GPC6: variants seen among roughly 807,000 people sequenced by gnomAD.
The protein encoded by GPC6 is glypican-6.
In GPC6, 14 loss-of-function variants were observed where a neutral mutation model predicts 55.2. The ratio of observed to expected loss-of-function variants is 0.25; its 90% CI spans 0.17 to 0.40. GPC6 has a LOEUF of 0.40. Among genes scored for constraint, GPC6 ranks in the 10% least tolerant of loss-of-function variants. GPC6 has a pLI of 1.00. For synonymous variants in GPC6, 278 were observed against 259.6 expected (o/e 1.07, Z -0.68); for missense variants, 641 against 708.5 (o/e 0.90, Z 1.08).
intron 1 of GPC6, among the ~76,000 whole-genome samples, chr13:93,485,818 A>G (rs941342568): frequency 6.6e-6 from 1 of 152,168 alleles, no homozygotes; most frequent in Non-Finnish European, 1.5e-5. Flanking sequence ...GCAGTTCTTC[A>G]TATATATTTG....
Position 93,364,153 on chromosome 13 carries a change from G to T in GPC6, c.160+136537G>T, listed in dbSNP as rs1421182356. ...TCTTTAGTTTATTTAGATCCCATTT[G>T]TCAATTTTGGCTTTTGTTGCCATTG... On this transcript the variant is annotated intron_variant, in intron 1 of 8. Transcript: ENST00000377047. Among the ~76,000 whole-genome samples the T allele has an allele frequency of 2.0e-5, 3 of 152,016 alleles. No homozygotes were observed. The East Asian group carries it at 5.8e-4, about 29-fold the overall frequency.
rs530789009 is a variant in GPC6, at chr13:93,842,759, G to A, written c.711+12214G>A. ...ACCAGGATATTTATTTTTTGTTGGT[G>A]GTAAGAAAAATAAGTCACCAGGATA... On this transcript the variant is annotated intron_variant, in intron 3 of 8. Coordinates refer to ENST00000377047, the MANE Select transcript of GPC6 (RefSeq NM_005708.5). Among the ~76,000 whole-genome samples the A allele has an allele frequency of 2.6e-4, 40 of 151,832 alleles. 1 individual carries two copies. The highest frequency in any genetic ancestry group is 8.9e-4 in the African/African-American group (37 of 41,422).
chr13:93,348,629 AG>A (rs1244230883), intron 1 of GPC6, among the ~76,000 whole-genome samples: 1 of 152,208 alleles, frequency 6.6e-6, no homozygotes, highest in African/African-American at 2.4e-5. Context: ...AGAAACAAAA[AG>A]CAAACCTGCT....
At chr13:93,545,211 G>A (rs369857925) in intron 1 of GPC6, 52 bp from the exon 2 acceptor site, 158 of 1,484,498 alleles carry the variant, frequency 1.1e-4, no homozygotes, top group Non-Finnish European at 1.3e-4. Flanking sequence ...AATCTCTAAC[G>A]TCTACCAAAA....
At chr13:93,976,339 G>C (rs578216827) in intron 3 of GPC6, among the ~76,000 whole-genome samples, 1 of 151,870 alleles carries the variant, frequency 6.6e-6, no homozygotes, top group African/African-American at 2.4e-5. Flanking sequence ...GTTTGTTGTT[G>C]TTTATTTATC....
Position 94,035,514 on chromosome 13 carries a change from T to C in GPC6, c.877+7620T>C, listed in dbSNP as rs190770261. Among the ~76,000 whole-genome samples, 6 of 152,094 alleles carry C rather than the reference T, an allele frequency of 3.9e-5. No homozygotes were observed. The East Asian group carries it at 1.2e-3, about 29-fold the overall frequency. ...ATCAAACCACATAGCTATTCACAAA[T>C]AGCAAAGTTGTAACAAGTCCCACGG... On this transcript the variant is annotated intron_variant, in intron 4 of 8. Coordinates refer to ENST00000377047, the MANE Select transcript of GPC6 (RefSeq NM_005708.5).
intron 6 of GPC6, among the ~76,000 whole-genome samples, chr13:94,316,885 T>G (rs1046337372): frequency 2.6e-5 from 4 of 152,204 alleles, no homozygotes; most frequent in African/African-American, 9.7e-5. Context: ...ATTTTTCTGC[T>G]TTTCTTTCTG....
intron 5 of GPC6, 42 bp downstream of exon 5, chr13:94,286,521 T>C (rs760927229): frequency 1.9e-6 from 3 of 1,575,212 alleles, no homozygotes; most frequent in Non-Finnish European, 2.6e-6. Flanking sequence ...ATGTATGTTA[T>C]ACAGGTGCAA....
intron 2 of GPC6, among the ~76,000 whole-genome samples, chr13:93,749,095 T>C (rs1442797038): frequency 6.6e-6 from 1 of 152,034 alleles, no homozygotes; most frequent in East Asian, 1.9e-4. Context: ...ACTATACTAT[T>C]TTTGTTCAGA....
At chr13:93,911,858 G>C (rs1877001423) in intron 3 of GPC6, among the ~76,000 whole-genome samples, 1 of 152,224 alleles carries the variant, frequency 6.6e-6, no homozygotes, top group Admixed American at 6.5e-5. Flanking sequence ...AGTGGTTACT[G>C]ATATTAACTA....
At chr13:93,352,463 T>C (rs1880664424) in intron 1 of GPC6, among the ~76,000 whole-genome samples, 1 of 152,228 alleles carries the variant, frequency 6.6e-6, no homozygotes. Flanking sequence ...TTTAGCTTGG[T>C]AAATTCTGGC....
intron 1 of GPC6, among the ~76,000 whole-genome samples, chr13:93,304,808 A>G (rs1188547915): frequency 6.6e-6 from 1 of 152,032 alleles, no homozygotes; most frequent in Admixed American, 6.5e-5. Context: ...GGGTTGGGGG[A>G]TGAGGAGCTT....
At chr13:93,251,640 T>G (rs1876790152) in intron 1 of GPC6, among the ~76,000 whole-genome samples, 1 of 152,232 alleles carries the variant, frequency 6.6e-6, no homozygotes, top group Admixed American at 6.5e-5. Context: ...TCTGGTTTCC[T>G]ATCTATACAG....
chr13:94,369,721 T>C (rs1879449820), intron 6 of GPC6, among the ~76,000 whole-genome samples: 1 of 151,768 alleles, frequency 6.6e-6, no homozygotes, highest in South Asian at 2.1e-4. Context: ...ATTAGAAGAT[T>C]GGGGGGATCA....
intron 2 of GPC6, among the ~76,000 whole-genome samples, chr13:93,657,293 A>C (rs1045307423): frequency 3.3e-5 from 5 of 151,972 alleles, no homozygotes; most frequent in African/African-American, 1.2e-4. Context: ...CAGAAATAAA[A>C]CTGCACACCT....
intron 2 of GPC6, among the ~76,000 whole-genome samples, chr13:93,671,415 G>T (rs1178050471): frequency 1.3e-5 from 2 of 151,996 alleles, no homozygotes; most frequent in East Asian, 3.9e-4. Flanking sequence ...ATATACCAAT[G>T]CTCCATGTTT....
intron 1 of GPC6, among the ~76,000 whole-genome samples, chr13:93,319,984 A>G (rs1268079008): frequency 6.6e-6 from 1 of 152,170 alleles, no homozygotes; most frequent in Non-Finnish European, 1.5e-5. Flanking sequence ...AAATTGGAGC[A>G]TGAGCCCTGA....
intron 6 of GPC6, among the ~76,000 whole-genome samples, chr13:94,355,810 C>T (rs1311486888): frequency 3.3e-5 from 5 of 152,052 alleles, no homozygotes; most frequent in Admixed American, 2.0e-4. Context: ...GGGATACATG[C>T]GCAGGACATG....
At chr13:94,327,765 T>TA (rs933849907) in intron 6 of GPC6, among the ~76,000 whole-genome samples, 35 of 152,000 alleles carry the variant, frequency 2.3e-4, no homozygotes, top group Non-Finnish European at 4.7e-4. Context: ...TGATACCCAG[T>TA]AAAAAAAATC....
Sources: allele counts gnomAD v4.1 joint callset (sites outside exome capture counted in the v4.1 genomes callset), GRCh38; gene constraint gnomAD v4.1.1; transcripts MANE v1.5; gene names NCBI Gene and HGNC (gene_info 2026-07-23, HGNC 2026-07-21).